Variants in CCDC6 observed in about 807,000 individuals in gnomAD.
CCDC6 encodes the protein coiled-coil domain containing 6.
In CCDC6, 20 loss-of-function variants were observed where a neutral mutation model predicts 56.6. The ratio of observed to expected loss-of-function variants is 0.35; its 90% confidence interval spans 0.25 to 0.51. CCDC6 has a LOEUF of 0.51. Among genes scored for constraint, CCDC6 ranks in the 20% least tolerant of loss-of-function variants. The probability of loss-of-function intolerance (pLI) is 0.95; values close to 1 mark genes in which losing one functional copy is unlikely to be tolerated. For synonymous variants in CCDC6, 241 were observed against 234.4 expected (o/e 1.03, Z -0.26); for missense variants, 367 against 601.1 (o/e 0.61, Z 4.07).
intron 1 of CCDC6, among the ~76,000 whole-genome samples, chr10:59,876,588 G>GGAA (rs1184853225): frequency 1.7e-5 from 2 of 120,722 alleles, no homozygotes; most frequent in Non-Finnish European, 3.3e-5. Context: ...CTGTTAAGGG[G>GGAA]GAAAAAAAAA....
intron 3 of CCDC6, among the ~76,000 whole-genome samples, chr10:59,823,374 G>T (rs2070762264): frequency 6.6e-6 from 1 of 152,142 alleles, no homozygotes; most frequent in South Asian, 2.1e-4. Flanking sequence ...ATGCTGCTAC[G>T]GGGCCAGCAC....
intron 3 of CCDC6, among the ~76,000 whole-genome samples, chr10:59,817,493 A>G: frequency 6.6e-6 from 1 of 152,144 alleles, no homozygotes; most frequent in East Asian, 1.9e-4. Flanking sequence ...AATTATGTTT[A>G]TTTAAACAAA....
At chr10:59,848,968 G>A (rs957628598) in intron 2 of CCDC6, among the ~76,000 whole-genome samples, 12 of 152,108 alleles carry the variant, frequency 7.9e-5, no homozygotes, top group Admixed American at 1.3e-4. Context: ...CACCTGCCTC[G>A]GCCTCCCAAA....
At position 59,878,140 on chromosome 10, in the gene CCDC6, T is replaced by G. The variant is rs535975461; in HGVS notation, c.304-25438A>C. Among the ~76,000 whole-genome samples, 4 of 152,306 alleles carry G rather than the reference T, an allele frequency of 2.6e-5. No homozygotes were observed. The East Asian group carries it at 7.7e-4, about 29-fold the overall frequency. ...TTAAGGAATAAGAAGTTACTAAAGT[T>G]CAATCCTATTTTAAGAACACCCATA... On this transcript the variant is annotated intron_variant, in intron 1 of 8. Coordinates refer to ENST00000263102, the MANE Select transcript of CCDC6 (RefSeq NM_005436.5).
chr10:59,799,003 A>G (rs2070550233), intron 7 of CCDC6, among the ~76,000 whole-genome samples: 1 of 151,346 alleles, frequency 6.6e-6, no homozygotes, highest in African/African-American at 2.4e-5. Context: ...AAAAAAAAAA[A>G]AAAAAAAAAA....
intron 1 of CCDC6, among the ~76,000 whole-genome samples, chr10:59,856,344 G>GT (rs1209407229): frequency 1.1e-5 from 1 of 91,032 alleles, no homozygotes; most frequent in East Asian, 2.4e-4. Context: ...ACAGCCTTAG[G>GT]TAAAAAAAAA....
At chr10:59,879,798 G>A (rs1310759826) in intron 1 of CCDC6, among the ~76,000 whole-genome samples, 1 of 152,034 alleles carries the variant, frequency 6.6e-6, no homozygotes, top group Non-Finnish European at 1.5e-5. Flanking sequence ...TTTCCAATAG[G>A]TTCTTTCTAA....
At chr10:59,862,354 G>C (rs1409998845) in intron 1 of CCDC6, among the ~76,000 whole-genome samples, 3 of 151,440 alleles carry the variant, frequency 2.0e-5, no homozygotes, top group Non-Finnish European at 4.4e-5. Context: ...CAGGCACGGT[G>C]GTGAACGCCT....
intron 7 of CCDC6, among the ~76,000 whole-genome samples, chr10:59,800,710 A>C (rs1432400483): frequency 6.6e-6 from 1 of 150,472 alleles, no homozygotes. Flanking sequence ...TTTTTCCTTA[A>C]GTTCTAATTA....
intron 1 of CCDC6, among the ~76,000 whole-genome samples, chr10:59,893,619 C>A (rs770945974): frequency 0.062 from 1,149 of 18,448 alleles, 14 homozygotes; most frequent in African/African-American, 0.19. Context: ...CAAACAAATA[C>A]ATACATACAT....
chr10:59,848,782 C>T (rs1037288822), intron 2 of CCDC6, among the ~76,000 whole-genome samples: 3 of 152,190 alleles, frequency 2.0e-5, no homozygotes, highest in African/African-American at 7.2e-5. Flanking sequence ...AGCGTGATCT[C>T]GGCTCACTGC....
intron 1 of CCDC6, among the ~76,000 whole-genome samples, chr10:59,883,961 C>T (rs976910592): frequency 6.6e-6 from 1 of 152,182 alleles, no homozygotes; most frequent in African/African-American, 2.4e-5. Context: ...AGACCACCAC[C>T]TTCTTATGTG....
At chr10:59,805,782 C>T (rs1018748624) in intron 6 of CCDC6, among the ~76,000 whole-genome samples, 1 of 152,084 alleles carries the variant, frequency 6.6e-6, no homozygotes, top group African/African-American at 2.4e-5. Context: ...TTACTGTTTT[C>T]CTTTTTTTCT....
At chr10:59,857,528 G>A (rs956992036) in intron 1 of CCDC6, among the ~76,000 whole-genome samples, 32 of 152,296 alleles carry the variant, frequency 2.1e-4, no homozygotes, top group Admixed American at 1.5e-3. Context: ...CCAAAATCAC[G>A]TAGGGTGGTG....
At chr10:59,880,626 C>G (rs999367339) in intron 1 of CCDC6, among the ~76,000 whole-genome samples, 1 of 152,164 alleles carries the variant, frequency 6.6e-6, no homozygotes, top group East Asian at 1.9e-4. Flanking sequence ...TGTACACTTA[C>G]CATATGTGTA....
intron 3 of CCDC6, among the ~76,000 whole-genome samples, chr10:59,823,587 G>A (rs7078533): frequency 0.19 from 28,989 of 151,930 alleles, 3,455 homozygotes; most frequent in African/African-American, 0.34. Flanking sequence ...GTTAAAACAA[G>A]CTTCTTTAAA....
intron 1 of CCDC6, among the ~76,000 whole-genome samples, chr10:59,884,989 G>A (rs759825935): frequency 6.6e-5 from 10 of 151,936 alleles, no homozygotes; most frequent in Admixed American, 5.2e-4. Flanking sequence ...GCTTGAACCC[G>A]GGAGACAGAG....
intron 2 of CCDC6, among the ~76,000 whole-genome samples, chr10:59,836,231 G>C (rs1237840090): frequency 2.0e-5 from 3 of 152,054 alleles, no homozygotes; most frequent in African/African-American, 4.8e-5. Flanking sequence ...GAAAAATTCA[G>C]ATATTCTCTT....
chr10:59,906,502 C>G lies in CCDC6; in HGVS notation c.-78G>C, dbSNP rs957172553. 13 of 1,284,408 alleles carry G rather than the reference C, an allele frequency of 1.0e-5. No individual in the cohort carries two copies. Among genetic ancestry groups the G allele is most frequent in the Non-Finnish European group, 1.2e-5 (12 of 979,960 alleles). 79.6% of individuals were successfully genotyped at this position (1,284,408 alleles called of 1,614,324 possible). On this transcript the variant is annotated 5_prime_UTR_variant, in exon 1 of 9. Coordinates refer to ENST00000263102, the MANE Select transcript of CCDC6 (RefSeq NM_005436.5). ...GAAGGCCGGGCTGCGAATGAGTGGG[C>G]GCCGGGCGAGCACAGGGGAGCGCCG...
Sources: allele counts gnomAD v4.1 joint callset (sites outside exome capture counted in the v4.1 genomes callset), GRCh38; gene constraint gnomAD v4.1.1; transcripts MANE v1.5; gene names NCBI Gene and HGNC (gene_info 2026-07-23, HGNC 2026-07-21).